GLIS3: variants seen among roughly 807,000 people sequenced by gnomAD.
The protein encoded by GLIS3 is GLIS family zinc finger 3.
A neutral mutation model predicts 78.6 loss-of-function variants in GLIS3; 53 were observed. The observed-to-expected ratio is 0.67, with a 90% CI of 0.54 to 0.85. The LOEUF is 0.85. Ranked by LOEUF, GLIS3 falls within the 40% of genes least tolerant of loss-of-function variation. The pLI, the probability that GLIS3 is intolerant of heterozygous loss-of-function variation, is 0.00. For synonymous variants in GLIS3, 684 were observed against 509.9 expected (o/e 1.34, Z -4.60); for missense variants, 1,703 against 1,231.1 (o/e 1.38, Z -5.74).
intron 2 of GLIS3, among the ~76,000 whole-genome samples, chr9:4,224,416 G>A (rs1821588682): frequency 6.6e-6 from 1 of 152,222 alleles, no homozygotes; most frequent in Non-Finnish European, 1.5e-5. Flanking sequence ...GAGATGTTCT[G>A]TGAGATGTCG....
intron 2 of GLIS3, among the ~76,000 whole-genome samples, chr9:4,333,221 G>C (rs1397139496): frequency 1.2e-4 from 18 of 151,836 alleles, no homozygotes; most frequent in Non-Finnish European, 2.6e-4. Flanking sequence ...AATGAAAAGG[G>C]AAGGGAAGGA....
chr9:4,290,044 AC>A (rs1212090375), intron 1 of GLIS3, among the ~76,000 whole-genome samples: 3 of 152,152 alleles, frequency 2.0e-5, no homozygotes, highest in Admixed American at 6.5e-5. Flanking sequence ...GATTAAACAA[AC>A]GAAAAGCAAT....
At chr9:4,321,960 T>C (rs968886017) in intron 2 of GLIS3, among the ~76,000 whole-genome samples, 77 of 152,160 alleles carry the variant, frequency 5.1e-4, no homozygotes, top group African/African-American at 1.9e-3. Context: ...ACAAGTGCAG[T>C]GTTGGTGAGC....
At chr9:4,078,090 T>G (rs912196233) in intron 4 of GLIS3, among the ~76,000 whole-genome samples, 1 of 152,164 alleles carries the variant, frequency 6.6e-6, no homozygotes, top group African/African-American at 2.4e-5. Context: ...GGTCCCCCAT[T>G]GCTGGAGCTA....
At chr9:4,109,005 A>G (rs35217189) in intron 4 of GLIS3, among the ~76,000 whole-genome samples, 2,573 of 152,216 alleles carry the variant, frequency 0.017, 34 homozygotes, top group Middle Eastern at 0.027. Context: ...CGGTCTAGAG[A>G]GACATGGGGT....
chr9:4,207,179 C>T (rs1340534541), intron 2 of GLIS3, among the ~76,000 whole-genome samples: 1 of 152,174 alleles, frequency 6.6e-6, no homozygotes, highest in Non-Finnish European at 1.5e-5. Flanking sequence ...TTTTATCATC[C>T]AACCCCACCT....
chr9:4,205,519 T>G (rs1819797271), intron 2 of GLIS3, among the ~76,000 whole-genome samples: 1 of 152,202 alleles, frequency 6.6e-6, no homozygotes, highest in Admixed American at 6.5e-5. Flanking sequence ...ATGTGATGTC[T>G]GGAGCTGCTT....
intron 2 of GLIS3, among the ~76,000 whole-genome samples, chr9:4,328,930 G>C (rs1817642552): frequency 6.6e-6 from 1 of 152,200 alleles, no homozygotes; most frequent in Non-Finnish European, 1.5e-5. Flanking sequence ...ACAGAGTGCA[G>C]TTCCCTAATA....
intron 8 of GLIS3, among the ~76,000 whole-genome samples, chr9:3,868,210 T>G (rs866742251): frequency 1.3e-5 from 2 of 152,242 alleles, no homozygotes; most frequent in African/African-American, 4.8e-5. Context: ...CAGTGCTCAC[T>G]AGACAAATTG....
intron 2 of GLIS3, among the ~76,000 whole-genome samples, chr9:4,135,029 A>T (rs73643710): frequency 6.6e-6 from 1 of 152,332 alleles, no homozygotes; most frequent in African/African-American, 2.4e-5. Context: ...ATCAGAAAAA[A>T]AAAGATATTC....
intron 4 of GLIS3, among the ~76,000 whole-genome samples, chr9:3,940,843 A>AT (rs1815841510): frequency 6.6e-6 from 1 of 152,066 alleles, no homozygotes; most frequent in Non-Finnish European, 1.5e-5. Context: ...ACATAGCATT[A>AT]TTTTTTCCCA....
chr9:4,242,257 C>A (rs1001686601), intron 2 of GLIS3, among the ~76,000 whole-genome samples: 1 of 152,100 alleles, frequency 6.6e-6, no homozygotes, highest in South Asian at 2.1e-4. Context: ...ACAGGGCCGT[C>A]TTTTATCTTC....
the GLIS3 span, among the ~76,000 whole-genome samples, chr9:4,450,937 T>A: frequency 6.6e-6 from 1 of 152,134 alleles, no homozygotes; most frequent in Non-Finnish European, 1.5e-5. Flanking sequence ...AGAAACTGCA[T>A]CAACTAACGG....
At chr9:4,375,174 ACCT>A in the GLIS3 span, among the ~76,000 whole-genome samples, 1 of 152,118 alleles carries the variant, frequency 6.6e-6, no homozygotes, top group African/African-American at 2.4e-5. Flanking sequence ...AGGAGTGCTG[ACCT>A]CCTATAATCA....
the GLIS3 span, among the ~76,000 whole-genome samples, chr9:4,384,460 G>T: frequency 2.4e-4 from 37 of 151,886 alleles, no homozygotes; most frequent in South Asian, 5.4e-3. Flanking sequence ...GTTTGCCAAT[G>T]GCATTGAAAT....
chr9:4,115,932 T>C (rs1161375276), intron 4 of GLIS3, among the ~76,000 whole-genome samples: 2 of 152,170 alleles, frequency 1.3e-5, no homozygotes, highest in African/African-American at 2.4e-5. Flanking sequence ...CCCATACCCA[T>C]TCTGAACAAT....
chr9:3,975,453 A>G (rs1198911469), intron 4 of GLIS3, among the ~76,000 whole-genome samples: 2 of 152,166 alleles, frequency 1.3e-5, no homozygotes, highest in Non-Finnish European at 2.9e-5. Flanking sequence ...GTATCTGTCA[A>G]AGTAACCTTG....
chr9:4,181,268 C>T (rs574863409), intron 2 of GLIS3, among the ~76,000 whole-genome samples: 2 of 152,370 alleles, frequency 1.3e-5, no homozygotes, highest in Admixed American at 6.5e-5. Flanking sequence ...GGACAGCACT[C>T]GCCTCATGCA....
chr9:4,249,368 T>C (rs762283610), intron 2 of GLIS3, among the ~76,000 whole-genome samples: 2 of 152,200 alleles, frequency 1.3e-5, no homozygotes, highest in Admixed American at 6.5e-5. Flanking sequence ...CTAGGTATTT[T>C]ATCCTCTTTG....
Sources: gnomAD v4.1 joint callset for allele counts (sites outside exome capture counted in the v4.1 genomes callset) on GRCh38, gnomAD v4.1.1 for gene constraint, MANE v1.5 for transcripts, NCBI Gene and HGNC (gene_info 2026-07-23, HGNC 2026-07-21) for gene names.